Variants in NEDD4 observed in about 807,000 individuals in gnomAD.
The protein encoded by NEDD4 is E3 ubiquitin-protein ligase NEDD4.
In NEDD4, 99 loss-of-function variants were observed where a neutral mutation model predicts 144.9. The ratio of observed to expected loss-of-function variants is 0.68; its 90% CI spans 0.58 to 0.81. NEDD4 has a LOEUF of 0.81. Among genes scored for constraint, NEDD4 ranks in the 30% least tolerant of loss-of-function variants. NEDD4 has a pLI of 0.00. For synonymous variants in NEDD4, 318 were observed against 350.6 expected (o/e 0.91, Z 1.04); for missense variants, 985 against 1,065.9 (o/e 0.92, Z 1.06).
chr15:55,900,621 G>C (rs1401880302), intron 5 of NEDD4, among the ~76,000 whole-genome samples: 1 of 152,130 alleles, frequency 6.6e-6, no homozygotes, highest in Non-Finnish European at 1.5e-5. Context: ...TCAGTAAAGG[G>C]AGAGATAGCT....
rs1201324888 is a variant in NEDD4 at position 55,946,218 on chromosome 15, TAA to T, written c.237+5156_237+5157del. On this transcript the variant is annotated intron_variant, in intron 4 of 28. Coordinates refer to ENST00000435532, the MANE Select transcript of NEDD4 (RefSeq NM_006154.4). ...AAAAGACACAGACTGGCGAATTAGA[TAA>T]AGAGTCAAGACCCATCAGTGTGCTG... Among the ~76,000 whole-genome samples the T allele has an allele frequency of 4.6e-5, 7 of 152,244 alleles. 1 individual carries two copies. Among genetic ancestry groups the T allele is most frequent in the Admixed American group, 3.9e-4 (6 of 15,290 alleles).
chr15:55,886,061 A>G (rs1446715490), intron 5 of NEDD4, among the ~76,000 whole-genome samples: 1 of 152,202 alleles, frequency 6.6e-6, no homozygotes, highest in Non-Finnish European at 1.5e-5. Context: ...GCTGTATCAG[A>G]TAAAATAGAC....
At chr15:55,984,487 TTGC>T (rs1381684178) in intron 1 of NEDD4, among the ~76,000 whole-genome samples, 2 of 152,280 alleles carry the variant, frequency 1.3e-5, no homozygotes, top group Middle Eastern at 6.8e-3. Flanking sequence ...TTAAAGGCAG[TTGC>T]TATTTATTTA....
chr15:55,961,570 A>C (rs1316962133), intron 2 of NEDD4, among the ~76,000 whole-genome samples: 1 of 152,092 alleles, frequency 6.6e-6, no homozygotes, highest in African/African-American at 2.4e-5. Flanking sequence ...TCCCGGGTTC[A>C]TATCATTCTC....
At chr15:55,921,898 CCAGA>C (rs1465345505) in intron 5 of NEDD4, among the ~76,000 whole-genome samples, 1 of 152,154 alleles carries the variant, frequency 6.6e-6, no homozygotes, top group African/African-American at 2.4e-5. Flanking sequence ...GCAAAATGGA[CCAGA>C]CAATTAAGCA....
At chr15:55,845,199 C>A (rs1595739503) in intron 18 of NEDD4, among the ~76,000 whole-genome samples, 1 of 152,098 alleles carries the variant, frequency 6.6e-6, no homozygotes, top group South Asian at 2.1e-4. Flanking sequence ...ATGTTTATCC[C>A]CTTACATACC....
chr15:55,854,184 C>T (rs1295393910), intron 12 of NEDD4, among the ~76,000 whole-genome samples: 1 of 152,040 alleles, frequency 6.6e-6, no homozygotes, highest in Non-Finnish European at 1.5e-5. Context: ...TAAATCTGGC[C>T]TTCCTGTTGT....
At chr15:55,881,186 G>A (rs1467409467) in intron 5 of NEDD4, among the ~76,000 whole-genome samples, 1 of 146,878 alleles carries the variant, frequency 6.8e-6, no homozygotes, top group Non-Finnish European at 1.5e-5. Flanking sequence ...TTTTTGCCCA[G>A]GCTGGAGTGC....
chr15:55,930,140 C>T (rs1207466045), intron 4 of NEDD4, among the ~76,000 whole-genome samples: 1 of 152,098 alleles, frequency 6.6e-6, no homozygotes, highest in Non-Finnish European at 1.5e-5. Context: ...AGCTAGCCAT[C>T]TACTTTTTAA....
chr15:55,914,611 C>T (rs1168296864), intron 5 of NEDD4, among the ~76,000 whole-genome samples: 2 of 151,878 alleles, frequency 1.3e-5, no homozygotes, highest in African/African-American at 2.4e-5. Context: ...GCAGTATTAA[C>T]TCGTGGCTAA....
At position 55,954,859 on chromosome 15, in the gene NEDD4, T is replaced by G. The variant is rs145340461; in HGVS notation, c.120-3270A>C. On this transcript the variant is annotated intron_variant, in intron 2 of 28. Coordinates refer to ENST00000435532, the MANE Select transcript of NEDD4 (RefSeq NM_006154.4). ...ATTTTTAATTGGCTTTTTAATTATA[T>G]TATTACTGAGTTGTAAGAGGTTTCA... Among the ~76,000 whole-genome samples, 888 of 152,242 alleles carry G rather than the reference T, an allele frequency of 5.8e-3. 7 individuals are homozygous for G. The highest frequency in any genetic ancestry group is 0.02 in the African/African-American group (845 of 41,542).
chr15:55,857,411 C>T (rs1421924313), intron 11 of NEDD4, among the ~76,000 whole-genome samples: 3 of 152,130 alleles, frequency 2.0e-5, no homozygotes. Context: ...TCACTGCAAC[C>T]TCCACCTCCC....
rs184662579 is a variant in NEDD4 at position 55,860,296 on chromosome 15, T to C, written c.960+111A>G. The C allele has an allele frequency of 9.6e-6, 10 of 1,043,082 alleles. No individual in the cohort carries two copies. The East Asian group carries it at 2.2e-4, about 23-fold the overall frequency. 64.6% of individuals were successfully genotyped at this position (1,043,082 alleles called of 1,614,324 possible). A position where few individuals can be genotyped will look rare whatever the true frequency, so the allele number is the denominator to read the frequency against. On this transcript the variant is annotated intron_variant, in intron 11 of 28. Transcript: ENST00000435532. ...AAGTCCCAAGGTCCCTAATGTATTA[T>C]TACATATTATTGCATTTAAGACAAA... is the stretch of plus-strand genomic sequence containing the variant.
intron 13 of NEDD4, among the ~76,000 whole-genome samples, chr15:55,851,526 G>A (rs2033980381): frequency 6.6e-6 from 1 of 151,866 alleles, no homozygotes. Context: ...GCCCAGGCTG[G>A]AGTGCAATGG....
intron 1 of NEDD4, among the ~76,000 whole-genome samples, chr15:55,979,570 G>C (rs2037765454): frequency 6.7e-6 from 1 of 149,892 alleles, no homozygotes. Flanking sequence ...AGCCAGGATG[G>C]TCTCGATCTC....
At position 55,944,874 on chromosome 15, in the gene NEDD4, T is replaced by C. The variant is rs1177222054; in HGVS notation, c.237+6502A>G. On this transcript the variant is annotated intron_variant, in intron 4 of 28. Transcript: ENST00000435532. ...TGGTGATACCCAAGCAAACAGGGTC[T>C]GGAGTGGACCTCCAGCAAAATCCAA... Among the ~76,000 whole-genome samples the C allele has an allele frequency of 4.6e-5, 7 of 152,290 alleles. No homozygotes were observed. The South Asian group carries it at 1.0e-3, about 23-fold the overall frequency.
At chr15:55,921,347 C>T (rs574830297) in intron 5 of NEDD4, among the ~76,000 whole-genome samples, 3 of 150,846 alleles carry the variant, frequency 2.0e-5, no homozygotes, top group African/African-American at 2.4e-5. Context: ...TTCGCCGAGA[C>T]GGAGTCTCAC....
chr15:55,916,989 G>C (rs900553393), intron 5 of NEDD4: 2 of 1,349,696 alleles, frequency 1.5e-6, no homozygotes, highest in African/African-American at 1.5e-5. Flanking sequence ...TAAAACATTA[G>C]ATACCAGATA....
At chr15:55,875,107 A>AC (rs1566926173) in intron 5 of NEDD4, among the ~76,000 whole-genome samples, 2 of 151,952 alleles carry the variant, frequency 1.3e-5, no homozygotes, top group Non-Finnish European at 2.9e-5. Context: ...AAAAAAAAAA[A>AC]CCCAGTAGGA....
Sources: gnomAD v4.1 joint callset for allele counts (sites outside exome capture counted in the v4.1 genomes callset) on GRCh38, gnomAD v4.1.1 for gene constraint, MANE v1.5 for transcripts, NCBI Gene and HGNC (gene_info 2026-07-23, HGNC 2026-07-21) for gene names.